The following CPNE4 variants were observed in gnomAD, a reference collection of about 807,000 sequenced individuals.
CPNE4 encodes the protein copine-4.
In CPNE4, 25 loss-of-function variants were observed where a neutral mutation model predicts 67.9. The observed-to-expected ratio is 0.37, with a 90% CI of 0.27 to 0.51. The LOEUF is 0.51. Among genes scored for constraint, CPNE4 ranks in the 20% least tolerant of loss-of-function variants. The pLI is 0.93. For synonymous variants in CPNE4, 242 were observed against 244.9 expected (o/e 0.99, Z 0.11); for missense variants, 464 against 690.8 (o/e 0.67, Z 3.68).
At chr3:131,684,669 G>A (rs1050186823) in intron 6 of CPNE4, among the ~76,000 whole-genome samples, 2 of 152,132 alleles carry the variant, frequency 1.3e-5, no homozygotes, top group Non-Finnish European at 2.9e-5. Flanking sequence ...TGAAAGTCAT[G>A]GGGGTTTCTT....
At chr3:131,871,818 C>T (rs894501819) in intron 2 of CPNE4, among the ~76,000 whole-genome samples, 3 of 152,142 alleles carry the variant, frequency 2.0e-5, no homozygotes, top group Admixed American at 6.5e-5. Context: ...TTACCTTGTA[C>T]CTGAAATTAT....
At chr3:131,784,675 G>GT (rs1400701317) in intron 2 of CPNE4, among the ~76,000 whole-genome samples, 1 of 152,104 alleles carries the variant, frequency 6.6e-6, no homozygotes, top group East Asian at 1.9e-4. Context: ...GCCCATAGTA[G>GT]TAACAGTCTT....
intron 7 of CPNE4, among the ~76,000 whole-genome samples, chr3:131,595,898 A>G (rs940204391): frequency 1.3e-5 from 2 of 152,202 alleles, no homozygotes; most frequent in Non-Finnish European, 2.9e-5. Context: ...AAGGACAAAT[A>G]CTGCATGATT....
intron 15 of CPNE4, among the ~76,000 whole-genome samples, chr3:131,541,859 T>C (rs1241995660): frequency 1.3e-5 from 2 of 151,970 alleles, no homozygotes; most frequent in East Asian, 1.9e-4. Flanking sequence ...TTAGTAGAGA[T>C]GGAGTTTTAC....
chr3:131,555,811 A>G (rs1258204498), intron 11 of CPNE4, among the ~76,000 whole-genome samples: 1 of 152,058 alleles, frequency 6.6e-6, no homozygotes, highest in African/African-American at 2.4e-5. Context: ...CTATACTAAG[A>G]AATAAAATGG....
chr3:131,858,283 T>A (rs987525679), intron 2 of CPNE4, among the ~76,000 whole-genome samples: 1 of 152,072 alleles, frequency 6.6e-6, no homozygotes, highest in Non-Finnish European at 1.5e-5. Flanking sequence ...TATCAACAGA[T>A]CCATTAATGA....
In CPNE4 at chr3:131,696,416, C is replaced by T. The variant is rs1490951093; in HGVS notation, c.507+126G>A. On this transcript the variant is annotated intron_variant, in intron 5 of 15. Coordinates refer to ENST00000429747, the MANE Select transcript of CPNE4 (RefSeq NM_130808.3). ...GGGGGAAAGTTTACTTTGTAGACCT[C>T]TCTGAATTTTTGGATCTGTTTGATA... The T allele has an allele frequency of 1.1e-5, 9 of 793,408 alleles. No homozygotes were observed. In the Admixed American group the frequency reaches 2.0e-4, roughly 18 times the overall value. 49.1% of individuals were successfully genotyped at this position (793,408 alleles called of 1,614,324 possible).
intron 1 of CPNE4, among the ~76,000 whole-genome samples, chr3:132,031,489 G>T (rs2107703605): frequency 6.6e-6 from 1 of 152,268 alleles, no homozygotes; most frequent in South Asian, 2.1e-4. Flanking sequence ...AACTAGTGTA[G>T]AGACTTTTAC....
chr3:131,728,696 G>A (rs1025634723), intron 2 of CPNE4, among the ~76,000 whole-genome samples: 1 of 151,898 alleles, frequency 6.6e-6, no homozygotes, highest in African/African-American at 2.4e-5. Context: ...GGATCACGAG[G>A]TCAGGAGATG....
At chr3:131,907,720 T>C (rs1369248077) in intron 1 of CPNE4, among the ~76,000 whole-genome samples, 1 of 152,172 alleles carries the variant, frequency 6.6e-6, no homozygotes, top group African/African-American at 2.4e-5. Context: ...GTAGTTGCAA[T>C]AGAGATTGCA....
intron 1 of CPNE4, among the ~76,000 whole-genome samples, chr3:131,953,398 T>C (rs191128417): frequency 1.1e-4 from 16 of 152,266 alleles, no homozygotes; most frequent in African/African-American, 3.1e-4. Flanking sequence ...ATTTCTTCTA[T>C]GCCTAATTTT....
rs547973952 is a variant in CPNE4, at chr3:131,885,588, T to C, written c.180+19676A>G. On this transcript the variant is annotated intron_variant, in intron 2 of 15. Transcript: ENST00000429747. ...TAAGTTTTAGGGTACATGTGCACAT[T>C]GTGCAGGTTAGTTACATACGTATAC... 3.4e-3 allele frequency among the ~76,000 whole-genome samples: 514 copies of C among 152,170 alleles called. 1 individual carries two copies. Among genetic ancestry groups the C allele is most frequent in the Non-Finnish European group, 5.4e-3 (368 of 68,000 alleles).
chr3:131,604,645 G>A (rs1939395764), intron 7 of CPNE4, among the ~76,000 whole-genome samples: 1 of 152,080 alleles, frequency 6.6e-6, no homozygotes, highest in African/African-American at 2.4e-5. Flanking sequence ...TCCTGCCCTC[G>A]AACATCGGAC....
At chr3:131,891,621 G>T (rs950673866) in intron 2 of CPNE4, among the ~76,000 whole-genome samples, 1 of 151,994 alleles carries the variant, frequency 6.6e-6, no homozygotes, top group Non-Finnish European at 1.5e-5. Flanking sequence ...TCCCTGCTAT[G>T]TGTACATGTG....
chr3:131,770,750 T>G (rs1035172295), intron 2 of CPNE4, among the ~76,000 whole-genome samples: 1 of 152,218 alleles, frequency 6.6e-6, no homozygotes, highest in African/African-American at 2.4e-5. Context: ...GTCCAGTTTA[T>G]ACTGTGGTTT....
chr3:131,790,197 G>A (rs561918310), intron 2 of CPNE4, among the ~76,000 whole-genome samples: 1 of 152,246 alleles, frequency 6.6e-6, no homozygotes, highest in South Asian at 2.1e-4. Flanking sequence ...CTGCCAGCCA[G>A]ATATGGGACT....
At chr3:131,549,630 T>C (rs2107641840) in intron 14 of CPNE4, among the ~76,000 whole-genome samples, 1 of 152,278 alleles carries the variant, frequency 6.6e-6, no homozygotes, top group African/African-American at 2.4e-5. Context: ...TTCTTTTTTC[T>C]TTTCAAGGAC....
chr3:131,964,024 A>C (rs2072265568), intron 1 of CPNE4, among the ~76,000 whole-genome samples: 1 of 152,174 alleles, frequency 6.6e-6, no homozygotes, highest in Non-Finnish European at 1.5e-5. Context: ...CTTCCAGGGA[A>C]GGAGCAGGCA....
chr3:131,945,842 A>G (rs1057291386), intron 1 of CPNE4, among the ~76,000 whole-genome samples: 11 of 152,192 alleles, frequency 7.2e-5, no homozygotes, highest in Non-Finnish European at 1.6e-4. Context: ...GAATAGGATA[A>G]TGAGAAAATG....
Sources: gnomAD v4.1 joint callset for allele counts (sites outside exome capture counted in the v4.1 genomes callset) on GRCh38, gnomAD v4.1.1 for gene constraint, MANE v1.5 for transcripts, NCBI Gene and HGNC (gene_info 2026-07-23, HGNC 2026-07-21) for gene names.